Variants in CCDC88C observed in about 807,000 individuals in gnomAD.
The protein encoded by CCDC88C is coiled-coil and HOOK domain protein 88C.
In CCDC88C, 131 loss-of-function variants were observed where a neutral mutation model predicts 198.8. That is an observed-to-expected ratio of 0.66 (90% CI 0.57 to 0.76). CCDC88C has a LOEUF of 0.76. CCDC88C is among the 30% of genes least tolerant of loss of function. The pLI, the probability that CCDC88C is intolerant of heterozygous loss-of-function variation, is 0.00. For missense variants in CCDC88C, 2,553 were observed against 2,631.6 expected (o/e 0.97, Z 0.65); for synonymous variants, 1,166 against 1,114.7 (o/e 1.05, Z -0.92).
chr14:91,273,305 G>A lies in CCDC88C; in HGVS notation c.5407C>T (p.Arg1803Trp), dbSNP rs1195901294. The change falls in exon 30 of 30, where the codon CGG (arginine) becomes TGG (tryptophan). Residue 1803 changes from arginine (R) to tryptophan (W), a missense_variant. Around this residue, in one of 2 missense-constraint regions of CCDC88C, gnomAD observed 1,293 missense variants for 1,219.6 expected, o/e 1.06. Coordinates refer to ENST00000389857, the MANE Select transcript of CCDC88C (RefSeq NM_001080414.4). This position sits in a 1 kb window ranked among gnomAD's most constrained non-coding sequence, Gnocchi z 5.6. ...TCAGCTGAGGCCAGGCTGAAGGCCC[G>A]GCTCAAGGAGGCACTGCGGCTGGCA... ...APASRSASLSRAFSLASADLL... is the reference protein window; with the variant it reads ...APASRSASLSWAFSLASADLL... 9.0e-6 allele frequency: 14 copies of A among 1,554,670 alleles called. No homozygotes were observed. The highest frequency in any genetic ancestry group is 5.4e-5 in the African/African-American group (4 of 73,420).
intron 4 of CCDC88C, among the ~76,000 whole-genome samples, chr14:91,349,098 G>T (rs941494360): frequency 7.2e-5 from 11 of 152,130 alleles, no homozygotes; most frequent in Admixed American, 2.6e-4. Context: ...TTCCCTCCTG[G>T]GTCCTTGCCA....
intron 3 of CCDC88C, among the ~76,000 whole-genome samples, chr14:91,367,400 A>G (rs1301009403): frequency 6.6e-6 from 1 of 152,220 alleles, no homozygotes; most frequent in African/African-American, 2.4e-5. Context: ...ACACGCTAAC[A>G]GTCAAGACTG....
intron 22 of CCDC88C, among the ~76,000 whole-genome samples, chr14:91,296,161 G>A (rs1890994216): frequency 6.6e-6 from 1 of 152,168 alleles, no homozygotes; most frequent in Middle Eastern, 3.2e-3. Flanking sequence ...TGGGGGGACT[G>A]GTTTGTGCTG....
rs557992381 is a variant in CCDC88C at position 91,404,691 on chromosome 14, C to T, written c.270+3968G>A. ...AAAGTGCAGATTCCTTGGCTGGGCG[C>T]GGTGGCTCACGCCTGTAATCCCAGC... On this transcript the variant is annotated intron_variant, in intron 3 of 29. Coordinates refer to ENST00000389857, the MANE Select transcript of CCDC88C (RefSeq NM_001080414.4). Among the ~76,000 whole-genome samples, 21 of 152,126 alleles carry T rather than the reference C, an allele frequency of 1.4e-4. No individual in the cohort carries two copies. In the South Asian group the frequency reaches 1.9e-3, roughly 14 times the overall value.
intron 23 of CCDC88C, among the ~76,000 whole-genome samples, chr14:91,292,584 A>C (rs948658721): frequency 6.6e-6 from 1 of 152,160 alleles, no homozygotes; most frequent in African/African-American, 2.4e-5. Flanking sequence ...GAGCATCGTT[A>C]CATCAGAGAG....
At position 91,303,980 on chromosome 14, in the gene CCDC88C, T is replaced by G. The variant is rs970217198; in HGVS notation, c.3358-2A>C. The G allele has an allele frequency of 3.1e-6, 5 of 1,596,708 alleles. No individual in the cohort carries two copies. In the African/African-American group the frequency reaches 6.7e-5, roughly 21 times the overall value. ...GGAACTCAGCGTGGAGTTCTCCACCTGCCGAGAGGGAGAAGCGCGGCGTGG... is the reference window on the plus strand; with the variant it reads ...GGAACTCAGCGTGGAGTTCTCCACCGGCCGAGAGGGAGAAGCGCGGCGTGG... On this transcript the variant is annotated splice_acceptor_variant, in intron 19 of 29. Coordinates refer to ENST00000389857, the MANE Select transcript of CCDC88C (RefSeq NM_001080414.4). LOFTEE classifies it high-confidence loss of function.
At chr14:91,349,607 A>G (rs893471374) in intron 4 of CCDC88C, among the ~76,000 whole-genome samples, 4 of 152,236 alleles carry the variant, frequency 2.6e-5, no homozygotes, top group African/African-American at 9.6e-5. Context: ...TGAGAATAGG[A>G]GAACCCCTGG....
chr14:91,274,180 AAG>A (rs752181437), intron 29 of CCDC88C, among the ~76,000 whole-genome samples: 6 of 151,002 alleles, frequency 4.0e-5, no homozygotes, highest in Non-Finnish European at 5.9e-5. Context: ...GGGCCCGAGA[AAG>A]AGAAGAGAGA....
intron 27 of CCDC88C, 88 bp downstream of exon 27, chr14:91,281,369 G>T (rs781443006): frequency 8.1e-6 from 13 of 1,599,448 alleles, no homozygotes; most frequent in Non-Finnish European, 1.0e-5. Context: ...TTGGACTCCC[G>T]TACAGGACTC....
intron 26 of CCDC88C, 42 bp downstream of exon 26, chr14:91,283,287 C>G (rs1261528040): frequency 6.3e-7 from 1 of 1,591,106 alleles, no homozygotes; most frequent in Non-Finnish European, 8.6e-7. Context: ...AGGAAGGACA[C>G]TAGGCCCGAC....
intron 20 of CCDC88C, 52 bp downstream of exon 20, chr14:91,303,649 T>C: frequency 1.4e-6 from 2 of 1,384,792 alleles, no homozygotes; most frequent in Non-Finnish European, 1.9e-6. Context: ...GGGCCCAGCC[T>C]CTCCTCTGGA....
At chr14:91,366,788 G>A (rs2139918679) in intron 3 of CCDC88C, among the ~76,000 whole-genome samples, 1 of 152,342 alleles carries the variant, frequency 6.6e-6, no homozygotes, top group East Asian at 1.9e-4. Context: ...GACTCTCAGG[G>A]TATAAGCCCT....
At chr14:91,412,448 T>C (rs988071380) in intron 2 of CCDC88C, among the ~76,000 whole-genome samples, 3 of 151,982 alleles carry the variant, frequency 2.0e-5, no homozygotes, top group Non-Finnish European at 4.4e-5. Context: ...TTCTTTTTTT[T>C]TTTTTGAGAT....
At position 91,352,786 on chromosome 14, in the gene CCDC88C, G is replaced by A. The variant is rs144101106; in HGVS notation, c.340+6856C>T. ...CCGACCCTCAGCCTCCACACCACAC[G>A]GTGAGCAGGCATGGAGCCAGGGGCA... is the stretch of plus-strand genomic sequence containing the variant. On this transcript the variant is annotated intron_variant, in intron 4 of 29. Coordinates refer to ENST00000389857, the MANE Select transcript of CCDC88C (RefSeq NM_001080414.4). This position sits in a 1 kb window ranked among gnomAD's most constrained non-coding sequence, Gnocchi z 4.2. Among the ~76,000 whole-genome samples, 73 of 152,258 alleles carry A rather than the reference G, an allele frequency of 4.8e-4. No individual in the cohort carries two copies. The highest frequency in any genetic ancestry group is 1.6e-3 in the African/African-American group (65 of 41,548).
chr14:91,417,788 GGCT>G lies in CCDC88C; in HGVS notation c.-101_-99del. ...GCTCCGCAGCGAGCAGCGGGCGCGG[GGCT>G]GCGGCGGCTCGCGCCCGGGAGACAA... On this transcript the variant is annotated 5_prime_UTR_variant, in exon 1 of 30. Coordinates refer to ENST00000389857, the MANE Select transcript of CCDC88C (RefSeq NM_001080414.4). 1.3e-6 allele frequency: 1 copy of G among 798,434 alleles called. No individual in the cohort carries two copies. Among genetic ancestry groups the G allele is most frequent in the Non-Finnish European group, 1.6e-6 (1 of 615,714 alleles). The allele number at this position is 798,434 out of a possible 1,614,324, so 49.5% of individuals were successfully genotyped here.
chr14:91,397,222 C>T (rs1885899612), intron 3 of CCDC88C, among the ~76,000 whole-genome samples: 2 of 152,076 alleles, frequency 1.3e-5, no homozygotes, highest in Admixed American at 1.3e-4. Flanking sequence ...CATCTGGGCT[C>T]GGTGCTGTGC....
chr14:91,356,322 C>T (rs1043144410), intron 4 of CCDC88C, among the ~76,000 whole-genome samples: 3 of 152,182 alleles, frequency 2.0e-5, no homozygotes, highest in Admixed American at 1.3e-4. Flanking sequence ...AGCCCTGACA[C>T]GTTGCCCTCT....
intron 3 of CCDC88C, among the ~76,000 whole-genome samples, chr14:91,395,264 A>G (rs1211618626): frequency 6.6e-6 from 1 of 152,140 alleles, no homozygotes; most frequent in Non-Finnish European, 1.5e-5. Context: ...CCTGCAGAAT[A>G]CAGGTGAACA....
intron 21 of CCDC88C, 109 bp from the exon 22 acceptor site, chr14:91,297,600 CT>C: frequency 1.7e-6 from 2 of 1,158,878 alleles, no homozygotes; most frequent in Non-Finnish European, 2.4e-6. Context: ...GCTGTGCAAC[CT>C]TAGACAAAAT....
Sources: gnomAD v4.1 joint callset for allele counts (sites outside exome capture counted in the v4.1 genomes callset) on GRCh38, gnomAD v4.1.1 for gene constraint, gnomAD v4.1.1 regional missense constraint, Gnocchi (gnomAD v3.1) non-coding constraint, MANE v1.5 for transcripts, NCBI Gene and HGNC (gene_info 2026-07-23, HGNC 2026-07-21) for gene names.